TTC29: variants seen among roughly 807,000 people sequenced by gnomAD.
TTC29 encodes the protein tetratricopeptide repeat protein 29.
In TTC29, 49 loss-of-function variants were observed where a neutral mutation model predicts 58.1. The ratio of observed to expected loss-of-function variants is 0.84; its 90% CI spans 0.67 to 1.07. The LOEUF (loss-of-function observed/expected upper bound fraction) is 1.07, where lower values mean the gene tolerates loss of function less well. Ranked by LOEUF, TTC29 falls within the 50% of genes least tolerant of loss-of-function variation. The pLI is 0.00. For synonymous variants in TTC29, 209 were observed against 196.8 expected, an observed-to-expected ratio of 1.06 and a Z score of -0.52; for missense variants, 582 against 555.6, an observed-to-expected ratio of 1.05 and a Z score of -0.48.
chr4:146,707,599 A>G (rs779102169), intron 11 of TTC29, 48 bp from the exon 12 acceptor site: 13 of 1,372,434 alleles, frequency 9.5e-6, no homozygotes, highest in Admixed American at 1.8e-5. Flanking sequence ...AACACAGTTT[A>G]TAGTTATTTT....
chr4:146,725,819 C>T (rs1406742587), intron 11 of TTC29, among the ~76,000 whole-genome samples: 2 of 152,088 alleles, frequency 1.3e-5, no homozygotes, highest in African/African-American at 2.4e-5. Context: ...TCCACATATT[C>T]GGAAAGCCAA....
At chr4:146,839,839 G>T (rs1175584388) in intron 8 of TTC29, among the ~76,000 whole-genome samples, 1 of 151,512 alleles carries the variant, frequency 6.6e-6, no homozygotes, top group Non-Finnish European at 1.5e-5. Flanking sequence ...TTGAGCACTT[G>T]TATTTCCCTG....
At chr4:146,745,999 C>T (rs1361983330) in intron 11 of TTC29, among the ~76,000 whole-genome samples, 1 of 152,154 alleles carries the variant, frequency 6.6e-6, no homozygotes, top group East Asian at 1.9e-4. Flanking sequence ...AGATACTTTG[C>T]TTTCTATATT....
intron 11 of TTC29, among the ~76,000 whole-genome samples, chr4:146,752,851 G>A (rs1039095309): frequency 5.3e-5 from 8 of 152,284 alleles, no homozygotes; most frequent in East Asian, 1.9e-4. Context: ...CTAGCCATAC[G>A]TAGAAAGCCA....
chr4:146,771,620 A>G (rs1747733289), intron 11 of TTC29, among the ~76,000 whole-genome samples: 1 of 152,106 alleles, frequency 6.6e-6, no homozygotes, highest in Non-Finnish European at 1.5e-5. Context: ...GTAGTATTTC[A>G]TGGTGTATAC....
At chr4:146,757,976 A>T (rs1313326754) in intron 11 of TTC29, among the ~76,000 whole-genome samples, 1 of 152,190 alleles carries the variant, frequency 6.6e-6, no homozygotes, top group East Asian at 1.9e-4. Flanking sequence ...CAATGAATGC[A>T]ACAGTACCTC....
intron 6 of TTC29, among the ~76,000 whole-genome samples, chr4:146,901,671 C>T (rs996973051): frequency 1.3e-5 from 2 of 152,300 alleles, no homozygotes; most frequent in South Asian, 4.1e-4. Context: ...CTCTGGAACC[C>T]CTTTCTTCGG....
intron 9 of TTC29, among the ~76,000 whole-genome samples, chr4:146,830,826 T>C (rs1271154233): frequency 1.3e-5 from 2 of 152,340 alleles, no homozygotes; most frequent in South Asian, 2.1e-4. Flanking sequence ...CTGAAGGATA[T>C]AAAGCCTTTC....
intron 3 of TTC29, among the ~76,000 whole-genome samples, chr4:146,938,593 T>C (rs959652982): frequency 6.6e-6 from 1 of 152,162 alleles, no homozygotes; most frequent in African/African-American, 2.4e-5. Flanking sequence ...ATATATATTA[T>C]AGTGTACACA....
intron 11 of TTC29, among the ~76,000 whole-genome samples, chr4:146,707,924 T>C (rs1742098850): frequency 3.9e-5 from 6 of 152,072 alleles, no homozygotes; most frequent in Admixed American, 3.9e-4. Flanking sequence ...GATACTTTTT[T>C]TGGAGGAAGC....
intron 9 of TTC29, among the ~76,000 whole-genome samples, chr4:146,825,452 C>A (rs1408570260): frequency 6.6e-6 from 1 of 152,198 alleles, no homozygotes; most frequent in Non-Finnish European, 1.5e-5. Context: ...TTTGATTGCA[C>A]TGTGATCTGA....
intron 11 of TTC29, among the ~76,000 whole-genome samples, chr4:146,712,992 C>G (rs146582434): frequency 6.6e-6 from 1 of 152,196 alleles, no homozygotes; most frequent in Non-Finnish European, 1.5e-5. Context: ...AACCTCTCAT[C>G]TGCTGGTGAC....
rs1045218410 is a variant in TTC29 at position 146,822,136 on chromosome 4, G to A, written c.978-1888C>T. 3.4e-5 allele frequency among the ~76,000 whole-genome samples: 5 copies of A among 147,502 alleles called. No homozygotes were observed. In the East Asian group the frequency reaches 6.1e-4, roughly 18 times the overall value. On this transcript the variant is annotated intron_variant, in intron 9 of 12. Transcript: ENST00000325106. Reference sequence around the variant, plus strand: ...TATTTTCTTTTAAAAAAAAAAAAAAGGGATACATGTGTAGAACACACAGGT... The same window carrying A: ...TATTTTCTTTTAAAAAAAAAAAAAAAGGATACATGTGTAGAACACACAGGT...
chr4:146,761,314 A>G (rs981109888), intron 11 of TTC29, among the ~76,000 whole-genome samples: 1 of 151,948 alleles, frequency 6.6e-6, no homozygotes, highest in Non-Finnish European at 1.5e-5. Context: ...AGGTCTTTTT[A>G]TCTTTTTTTA....
chr4:146,866,980 G>A (rs145853946), intron 8 of TTC29, among the ~76,000 whole-genome samples: 103 of 152,210 alleles, frequency 6.8e-4, no homozygotes, highest in African/African-American at 2.4e-3. Flanking sequence ...TAGCCTAACA[G>A]TGATTTGATT....
In TTC29 at chr4:146,939,886, G is replaced by C. The variant is rs1178490172; in HGVS notation, c.10C>G (p.Leu4Val). The change falls in exon 3 of 13, where the codon CTG becomes GTG. Residue 4 changes from leucine (L) to valine (V), a missense_variant. Leu to Val is a conservative substitution (Grantham distance 32, BLOSUM62 1). Transcript: ENST00000325106. ...GGGCGTGTCATGGGCAGTGGGGGCA[G>C]GGTGGTCATTTCGGACTACAAAAAG... MTT[L>V]PPLPMTRPKL... 1.2e-5 allele frequency: 19 copies of C among 1,611,252 alleles called. No homozygotes were observed. The highest frequency in any genetic ancestry group is 1.6e-5 in the Non-Finnish European group (19 of 1,179,136).
At chr4:146,891,451 G>A (rs988703875) in intron 6 of TTC29, among the ~76,000 whole-genome samples, 2 of 152,156 alleles carry the variant, frequency 1.3e-5, no homozygotes, top group Admixed American at 6.5e-5. Context: ...TGCTTTGGGG[G>A]ACAGTGTTTG....
At chr4:146,915,840 A>C (rs914396946) in intron 4 of TTC29, among the ~76,000 whole-genome samples, 3 of 151,938 alleles carry the variant, frequency 2.0e-5, no homozygotes, top group South Asian at 4.1e-4. Context: ...AATATTTCAA[A>C]AGCGGTTCAA....
chr4:146,829,719 T>C (rs1011552499), intron 9 of TTC29, among the ~76,000 whole-genome samples: 2 of 152,162 alleles, frequency 1.3e-5, no homozygotes, highest in African/African-American at 4.8e-5. Context: ...CTTGAAACTT[T>C]GTACTGATTG....
Sources: gnomAD v4.1 joint callset for allele counts (sites outside exome capture counted in the v4.1 genomes callset) on GRCh38, gnomAD v4.1.1 for gene constraint, MANE v1.5 for transcripts, NCBI Gene and HGNC (gene_info 2026-07-23, HGNC 2026-07-21) for gene names.